UAP1: variants seen among roughly 807,000 people sequenced by gnomAD.
The protein encoded by UAP1 is UDP-N-acetylhexosamine pyrophosphorylase.
A neutral mutation model predicts 58.5 loss-of-function variants in UAP1; 25 were observed. The observed-to-expected ratio is 0.43, with a 90% confidence interval of 0.31 to 0.60. The LOEUF (loss-of-function observed/expected upper bound fraction) is 0.60, where lower values mean the gene tolerates loss of function less well. Among genes scored for constraint, UAP1 ranks in the 20% least tolerant of loss-of-function variants. The pLI is 0.11. For synonymous variants in UAP1, 208 were observed against 213.0 expected (o/e 0.98, Z 0.21); for missense variants, 575 against 630.0 (o/e 0.91, Z 0.93).
chr1:162,578,286 T>A (rs938348949), intron 3 of UAP1, among the ~76,000 whole-genome samples: 4 of 152,208 alleles, frequency 2.6e-5, no homozygotes, highest in Non-Finnish European at 4.4e-5. Flanking sequence ...CACTAGCCTG[T>A]ACCCCAAGTC....
chr1:162,585,529 T>A (rs1654854336), intron 5 of UAP1, among the ~76,000 whole-genome samples: 1 of 152,166 alleles, frequency 6.6e-6, no homozygotes, highest in Non-Finnish European at 1.5e-5. Context: ...CCCAAAGTGC[T>A]GAGATTATAG....
exon 11 of UAP1, chr1:162,599,447 C>G (rs1251156437): frequency 7.0e-6 from 6 of 859,904 alleles, no homozygotes; most frequent in Non-Finnish European, 9.3e-6. Flanking sequence ...ACGTCTTGGA[C>G]AACTGAAGTT....
At chr1:162,567,606 T>A (rs1653597184) in intron 2 of UAP1, among the ~76,000 whole-genome samples, 1 of 152,208 alleles carries the variant, frequency 6.6e-6, no homozygotes, top group Non-Finnish European at 1.5e-5. Context: ...TGGTACGTGA[T>A]CCTTGTCAAA....
chr1:162,569,598 TC>T (rs1653726708), intron 2 of UAP1, among the ~76,000 whole-genome samples: 1 of 152,204 alleles, frequency 6.6e-6, no homozygotes, highest in African/African-American at 2.4e-5. Context: ...TGATAAAAAT[TC>T]CCATTCTTTA....
chr1:162,595,160 A>G (rs370433573), intron 9 of UAP1, among the ~76,000 whole-genome samples: 2 of 152,078 alleles, frequency 1.3e-5, no homozygotes, highest in African/African-American at 2.4e-5. Flanking sequence ...ATATCCTGAG[A>G]TTTTACATTT....
At chr1:162,592,693 T>G (rs1269460466) in intron 8 of UAP1, 39 bp from the exon 9 acceptor site, 2 of 1,447,858 alleles carry the variant, frequency 1.4e-6, no homozygotes, top group South Asian at 2.4e-5. Context: ...TTGTTTGATT[T>G]GCTTCCATTC....
At chr1:162,597,994 T>C (rs1203489812) in intron 10 of UAP1, 136 bp downstream of exon 10, 1 of 716,020 alleles carries the variant, frequency 1.4e-6, no homozygotes, top group African/African-American at 1.8e-5. Flanking sequence ...TAATTGGCTT[T>C]ATTTGATTAT....
intron 2 of UAP1, among the ~76,000 whole-genome samples, chr1:162,569,280 T>C (rs1415546579): frequency 6.6e-6 from 1 of 152,154 alleles, no homozygotes; most frequent in East Asian, 1.9e-4. Context: ...CTCCTCAGAA[T>C]GGGGGAATGA....
intron 8 of UAP1, among the ~76,000 whole-genome samples, chr1:162,592,212 GA>G (rs1655356616): frequency 6.6e-6 from 1 of 152,130 alleles, no homozygotes. Context: ...CCAACATGGT[GA>G]AACCCTGTCT....
rs1286457348 is a variant in UAP1 at position 162,569,874 on chromosome 1, GCATGGTGGCT to G, written c.280+3531_280+3540del. On this transcript the variant is annotated intron_variant, in intron 2 of 10. Coordinates refer to ENST00000271469, the Ensembl canonical transcript of UAP1. ...TTTATTTTAAAAGTAATACAGCCGG[GCATGGTGGCT>G]CATGCCTGTAATCCCAGCACTTTGG... 1.4e-4 allele frequency among the ~76,000 whole-genome samples: 21 copies of G among 152,262 alleles called. No individual in the cohort carries two copies. In the East Asian group the frequency reaches 3.3e-3, roughly 24 times the overall value.
exon 5 of UAP1, chr1:162,581,414 G>A (rs1412568636): frequency 1.9e-6 from 3 of 1,614,098 alleles, no homozygotes; most frequent in Non-Finnish European, 2.5e-6. Context: ...CAGACCCACG[G>A]TTCATTGGAT....
intron 9 of UAP1, among the ~76,000 whole-genome samples, chr1:162,596,106 G>A (rs1655603783): frequency 6.6e-6 from 1 of 151,948 alleles, no homozygotes; most frequent in Non-Finnish European, 1.5e-5. Flanking sequence ...GCCCACCTTG[G>A]CCTCTCAAAG....
chr1:162,574,989 A>G (rs1420153805), intron 2 of UAP1, among the ~76,000 whole-genome samples: 2 of 152,252 alleles, frequency 1.3e-5, no homozygotes, highest in African/African-American at 2.4e-5. Flanking sequence ...GACCAAAGAA[A>G]TAAATCAGTA....
intron 9 of UAP1, among the ~76,000 whole-genome samples, chr1:162,594,545 C>T (rs1655508963): frequency 6.6e-6 from 1 of 152,138 alleles, no homozygotes; most frequent in South Asian, 2.1e-4. Context: ...GTCTCTCCTG[C>T]CTTGGGAACT....
exon 5 of UAP1, chr1:162,581,370 G>A (rs775194235): frequency 1.9e-6 from 3 of 1,614,090 alleles, no homozygotes; most frequent in Non-Finnish European, 2.5e-6. Flanking sequence ...GAGCATTCAT[G>A]TCTATTGTGT....
exon 11 of UAP1, chr1:162,599,810 GAAAT>G (rs1369203273): frequency 6.6e-6 from 1 of 152,448 alleles, no homozygotes; most frequent in Non-Finnish European, 1.5e-5. Context: ...ATTGGGCAGT[GAAAT>G]AAATGTATCT....
intron 8 of UAP1, among the ~76,000 whole-genome samples, chr1:162,592,032 A>G (rs1042105106): frequency 6.6e-5 from 10 of 152,228 alleles, no homozygotes; most frequent in African/African-American, 2.4e-4. Flanking sequence ...GTACTTATGT[A>G]AAAAGCATTC....
chr1:162,587,577 C>G (rs761536403), exon 6 of UAP1: 1 of 1,614,100 alleles, frequency 6.2e-7, no homozygotes, highest in Admixed American at 1.7e-5. Flanking sequence ...GGCAACAGCT[C>G]AAAAACGAAG....
intron 2 of UAP1, among the ~76,000 whole-genome samples, chr1:162,570,108 C>T (rs1018787890): frequency 6.7e-6 from 1 of 149,372 alleles, no homozygotes; most frequent in South Asian, 2.1e-4. Context: ...AAGATCGTGC[C>T]ACTGTACTCC....
Sources: allele counts gnomAD v4.1 joint callset (sites outside exome capture counted in the v4.1 genomes callset), GRCh38; gene constraint gnomAD v4.1.1; transcripts MANE v1.5; gene names NCBI Gene and HGNC (gene_info 2026-07-23, HGNC 2026-07-21).